The following ATRN variants were observed in gnomAD, a reference collection of about 807,000 sequenced individuals.
ATRN encodes attractin-2.
ATRN carries 54 observed loss-of-function variants against 178.7 expected under a neutral mutation model. The ratio of observed to expected loss-of-function variants is 0.30; its 90% CI spans 0.24 to 0.38. ATRN has a LOEUF of 0.38. Ranked by LOEUF, ATRN falls within the 10% of genes least tolerant of loss-of-function variation. ATRN has a pLI of 1.00. For synonymous variants in ATRN, 636 were observed against 663.0 expected (o/e 0.96, Z 0.63); for missense variants, 1,443 against 1,815.1 (o/e 0.79, Z 3.73).
In ATRN at chr20:3,594,327, A is replaced by G. The variant is rs1364551250; in HGVS notation, c.3323-152A>G. On this transcript the variant is annotated intron_variant, in intron 19 of 28. Coordinates refer to ENST00000262919, the MANE Select transcript of ATRN (RefSeq NM_139321.3). ...CTATACATTATTATCATTAGCTGAA[A>G]AATCATGAATCTTACCCATTGAATG... 7.6e-6 allele frequency: 4 copies of G among 526,288 alleles called. No homozygotes were observed. In the East Asian group the frequency reaches 1.2e-4, roughly 16 times the overall value. 32.6% of individuals were successfully genotyped at this position (526,288 alleles called of 1,614,324 possible).
chr20:3,489,876 C>T, intron 1 of ATRN: 4 of 1,300,574 alleles, frequency 3.1e-6, no homozygotes, highest in Non-Finnish European at 4.5e-6. Context: ...TTTGCCATCC[C>T]AGCCAAGTGG....
intron 24 of ATRN, among the ~76,000 whole-genome samples, chr20:3,622,130 C>G (rs1194717655): frequency 6.6e-6 from 1 of 152,190 alleles, no homozygotes; most frequent in Non-Finnish European, 1.5e-5. Flanking sequence ...CAGTTGTGCA[C>G]ATGGTGCCCA....
At chr20:3,512,257 C>A (rs1454912414) in intron 1 of ATRN, among the ~76,000 whole-genome samples, 1 of 131,562 alleles carries the variant, frequency 7.6e-6, no homozygotes, top group Non-Finnish European at 1.6e-5. Flanking sequence ...TCCCTCCCCC[C>A]TCCCCCCACG....
intron 22 of ATRN, among the ~76,000 whole-genome samples, chr20:3,598,455 G>C (rs1048930950): frequency 2.0e-5 from 3 of 152,220 alleles, no homozygotes; most frequent in African/African-American, 7.2e-5. Context: ...GACAGCAAGG[G>C]AGGGGACACT....
intron 11 of ATRN, among the ~76,000 whole-genome samples, chr20:3,569,140 G>A (rs903724403): frequency 1.3e-5 from 2 of 152,166 alleles, no homozygotes; most frequent in African/African-American, 4.8e-5. Context: ...TTATAAGTAC[G>A]TGAATTTGCA....
At chr20:3,527,000 C>G (rs2085374355) in intron 1 of ATRN, among the ~76,000 whole-genome samples, 1 of 152,066 alleles carries the variant, frequency 6.6e-6, no homozygotes. Context: ...TAGGCAATAC[C>G]ATTCAGGAGA....
In ATRN at chr20:3,494,683, A is replaced by G. The variant is rs2084854042; in HGVS notation, c.410+23166A>G. Among the ~76,000 whole-genome samples the G allele has an allele frequency of 2.6e-5, 4 of 152,338 alleles. 1 individual carries two copies. The South Asian group carries it at 8.3e-4, about 32-fold the overall frequency. ...AGAAAGCATAAAAGAAGGGGATTTAATGACTTAAATTTTTGATATAGGGAA... is the reference window on the plus strand; with the variant it reads ...AGAAAGCATAAAAGAAGGGGATTTAGTGACTTAAATTTTTGATATAGGGAA... On this transcript the variant is annotated intron_variant, in intron 1 of 28. Coordinates refer to ENST00000262919, the MANE Select transcript of ATRN (RefSeq NM_139321.3).
intron 25 of ATRN, among the ~76,000 whole-genome samples, chr20:3,630,917 T>C (rs1191058531): frequency 1.3e-4 from 1 of 7,898 alleles, no homozygotes; most frequent in Non-Finnish European, 2.2e-4. Context: ...TTTATTTAGC[T>C]TTTTTTTTTT....
chr20:3,600,898 C>G (rs1055127170), intron 22 of ATRN, 48 bp from the exon 23 acceptor site: 41 of 1,497,704 alleles, frequency 2.7e-5, no homozygotes, highest in Non-Finnish European at 3.8e-5. Context: ...ATTTTAAAAT[C>G]TAGAAATTGT....
At chr20:3,544,343 G>GTA (rs1568719316) in intron 3 of ATRN, among the ~76,000 whole-genome samples, 1 of 152,150 alleles carries the variant, frequency 6.6e-6, no homozygotes, top group Non-Finnish European at 1.5e-5. Context: ...GAACAGTGCT[G>GTA]TGGTTCGCAT....
At chr20:3,602,413 G>A (rs1204019387) in intron 23 of ATRN, among the ~76,000 whole-genome samples, 2 of 152,038 alleles carry the variant, frequency 1.3e-5, no homozygotes, top group African/African-American at 2.4e-5. Flanking sequence ...TCAATATAGT[G>A]CTTGAAATGT....
chr20:3,642,341 T>C (rs2087075712), intron 27 of ATRN, among the ~76,000 whole-genome samples: 1 of 152,206 alleles, frequency 6.6e-6, no homozygotes, highest in Non-Finnish European at 1.5e-5. Flanking sequence ...CAAACTGAGC[T>C]TTGGATGTTT....
In ATRN at chr20:3,619,875, C is replaced by T. The variant is rs1192581780; in HGVS notation, c.3802-4636C>T. Among the ~76,000 whole-genome samples, 3 of 152,192 alleles carry T rather than the reference C, an allele frequency of 2.0e-5. No homozygotes were observed. The East Asian group carries it at 5.8e-4, about 29-fold the overall frequency. On this transcript the variant is annotated intron_variant, in intron 24 of 28. Coordinates refer to ENST00000262919, the MANE Select transcript of ATRN (RefSeq NM_139321.3). ...CCCTCACTCTTGAGGGCAGCATCCT[C>T]ACTCTTGTGTGGCACAGGCTTGGAC...
At chr20:3,569,704 A>G (rs1167331946) in intron 11 of ATRN, among the ~76,000 whole-genome samples, 1 of 152,266 alleles carries the variant, frequency 6.6e-6, no homozygotes, top group East Asian at 1.9e-4. Context: ...ATACATGACT[A>G]TAATGAGGAT....
At chr20:3,474,244 C>T (rs1020288936) in intron 1 of ATRN, among the ~76,000 whole-genome samples, 3 of 152,078 alleles carry the variant, frequency 2.0e-5, no homozygotes, top group African/African-American at 7.2e-5. Flanking sequence ...AAGGGACTCC[C>T]CTGCTTATTG....
At chr20:3,546,073 A>G (rs997710613) in intron 4 of ATRN, among the ~76,000 whole-genome samples, 183 bp downstream of exon 4, 1 of 152,148 alleles carries the variant, frequency 6.6e-6, no homozygotes, top group Non-Finnish European at 1.5e-5. Context: ...CTGCTTATTT[A>G]TAATTGAGGA....
At chr20:3,484,249 T>A (rs1200743390) in intron 1 of ATRN, among the ~76,000 whole-genome samples, 14 of 142,600 alleles carry the variant, frequency 9.8e-5, no homozygotes, top group Non-Finnish European at 1.1e-4. Context: ...ACCTTGTCTT[T>A]AAAAAAAAAA....
intron 3 of ATRN, among the ~76,000 whole-genome samples, chr20:3,541,139 G>A (rs1225651840): frequency 1.3e-5 from 2 of 148,440 alleles, no homozygotes; most frequent in South Asian, 4.2e-4. Flanking sequence ...ATGCAGTGGC[G>A]CGATCTCGGC....
At position 3,488,824 on chromosome 20, in the gene ATRN, G is replaced by A. The variant is rs555022748; in HGVS notation, c.410+17307G>A. 1.9e-3 allele frequency among the ~76,000 whole-genome samples: 290 copies of A among 152,288 alleles called. 1 individual carries two copies. The highest frequency in any genetic ancestry group is 3.7e-3 in the Non-Finnish European group (254 of 68,032). On this transcript the variant is annotated intron_variant, in intron 1 of 28. Coordinates refer to ENST00000262919, the MANE Select transcript of ATRN (RefSeq NM_139321.3). Reference sequence around the variant, plus strand: ...GGAGTGAATTGACAGCTTTTATAATGTTGAGTCTTCCGAACCACAAACATG... The same window carrying A: ...GGAGTGAATTGACAGCTTTTATAATATTGAGTCTTCCGAACCACAAACATG...
Sources: allele counts gnomAD v4.1 joint callset (sites outside exome capture counted in the v4.1 genomes callset), GRCh38; gene constraint gnomAD v4.1.1; transcripts MANE v1.5; gene names NCBI Gene and HGNC (gene_info 2026-07-23, HGNC 2026-07-21).